Variants in LARP4 observed in about 807,000 individuals in gnomAD.
The protein encoded by LARP4 is la-related protein 4.
A neutral mutation model predicts 92.9 loss-of-function variants in LARP4; 29 were observed. That is an observed-to-expected ratio of 0.31 (90% confidence interval 0.23 to 0.43). The LOEUF (loss-of-function observed/expected upper bound fraction) is 0.43, where lower values mean the gene tolerates loss of function less well. LARP4 is among the 20% of genes least tolerant of loss of function. The pLI is 1.00. For missense variants in LARP4, 732 were observed against 860.0 expected (o/e 0.85, Z 1.86); for synonymous variants, 279 against 284.1 (o/e 0.98, Z 0.18).
chr12:50,423,379 G>A (rs1948174574), intron 1 of LARP4, among the ~76,000 whole-genome samples: 1 of 152,160 alleles, frequency 6.6e-6, no homozygotes, highest in African/African-American at 2.4e-5. Flanking sequence ...TGTTTGTGTA[G>A]TATACTTTTG....
At chr12:50,442,459 TA>T (rs1309451003) in intron 8 of LARP4, among the ~76,000 whole-genome samples, 1 of 152,212 alleles carries the variant, frequency 6.6e-6, no homozygotes, top group East Asian at 1.9e-4. Flanking sequence ...AGTAGCCTCT[TA>T]ACTGCTGTGT....
At position 50,400,910 on chromosome 12, in the gene LARP4, G is replaced by A; in HGVS notation, c.-101G>A. The A allele has an allele frequency of 3.3e-6, 5 of 1,535,696 alleles. No individual in the cohort carries two copies. Among genetic ancestry groups the A allele is most frequent in the Non-Finnish European group, 4.5e-6 (5 of 1,108,534 alleles). Reference sequence around the variant, plus strand: ...AGCCGGGTCCACTGCCGGGTGGAGGGGCAAGGCGAGTGTGTGTCCTTATCC... The same window carrying A: ...AGCCGGGTCCACTGCCGGGTGGAGGAGCAAGGCGAGTGTGTGTCCTTATCC... On this transcript the variant is annotated 5_prime_UTR_variant, in exon 1 of 16. Coordinates refer to ENST00000398473, the MANE Select transcript of LARP4 (RefSeq NM_052879.5).
chr12:50,404,682 T>A (rs1448555305), intron 1 of LARP4, among the ~76,000 whole-genome samples: 1 of 12,316 alleles, frequency 8.1e-5, no homozygotes, highest in Non-Finnish European at 1.1e-3. Context: ...GTTCAAGCAG[T>A]TTTTTTTTTT....
chr12:50,473,632 G>A (rs1274573164), intron 14 of LARP4, 96 bp downstream of exon 14: 91 of 1,300,378 alleles, frequency 7.0e-5, no homozygotes, highest in Middle Eastern at 2.3e-4. Context: ...TTGGGAGGCC[G>A]AGGCAGGTGA....
chr12:50,401,091 G>C (rs1185177064), intron 1 of LARP4, 63 bp downstream of exon 1: 2 of 1,586,648 alleles, frequency 1.3e-6, no homozygotes, highest in Admixed American at 1.7e-5. Flanking sequence ...GGCGCCGGCC[G>C]GTCCCACCGC....
At chr12:50,437,563 C>A (rs1194387382) in intron 5 of LARP4, among the ~76,000 whole-genome samples, 172 bp from the exon 6 acceptor site, 1 of 152,072 alleles carries the variant, frequency 6.6e-6, no homozygotes, top group African/African-American at 2.4e-5. Context: ...TACAAATCTC[C>A]AAAAAATTGT....
At chr12:50,409,252 G>A (rs570855095) in intron 1 of LARP4, among the ~76,000 whole-genome samples, 134 of 152,208 alleles carry the variant, frequency 8.8e-4, no homozygotes, top group Non-Finnish European at 1.4e-3. Flanking sequence ...AATCTCTGCT[G>A]AGACTGAGCC....
chr12:50,426,149 G>A (rs1227121177), intron 1 of LARP4, among the ~76,000 whole-genome samples: 3 of 152,108 alleles, frequency 2.0e-5, no homozygotes, highest in African/African-American at 7.2e-5. Flanking sequence ...TGAGGGAAGA[G>A]GATAGGGAGA....
intron 8 of LARP4, among the ~76,000 whole-genome samples, chr12:50,451,387 A>T (rs1565669728): frequency 6.6e-6 from 1 of 152,182 alleles, no homozygotes; most frequent in Non-Finnish European, 1.5e-5. Context: ...GTCACAAATG[A>T]CAGGATTTCC....
chr12:50,448,117 G>A (rs1031977629), intron 8 of LARP4, among the ~76,000 whole-genome samples: 4 of 152,062 alleles, frequency 2.6e-5, no homozygotes, highest in Non-Finnish European at 4.4e-5. Flanking sequence ...CACGCGCCTC[G>A]GCCTTCCAAA....
intron 7 of LARP4, 165 bp from the exon 8 acceptor site, chr12:50,441,425 A>C (rs1951188022): frequency 4.2e-6 from 2 of 480,258 alleles, no homozygotes; most frequent in Non-Finnish European, 7.4e-6. Flanking sequence ...ACTGTGATTG[A>C]GAAGGCGTTA....
At chr12:50,469,386 C>T (rs774113651) in intron 13 of LARP4, among the ~76,000 whole-genome samples, 3 of 151,486 alleles carry the variant, frequency 2.0e-5, no homozygotes, top group Non-Finnish European at 4.4e-5. Context: ...AGGCAGATCA[C>T]GAAGTCAGGA....
chr12:50,436,820 G>A (rs1394529296), intron 5 of LARP4, among the ~76,000 whole-genome samples: 1 of 152,182 alleles, frequency 6.6e-6, no homozygotes, highest in Non-Finnish European at 1.5e-5. Context: ...CAGTGGAATA[G>A]ATTTCCATTT....
Position 50,479,531 on chromosome 12 carries a change from A to G in LARP4, c.*3667A>G, listed in dbSNP as rs1957750070. 1 of 152,188 alleles carries G rather than the reference A, an allele frequency of 6.6e-6. No homozygotes were observed. Among genetic ancestry groups the G allele is most frequent in the Admixed American group, 6.5e-5 (1 of 15,274 alleles). 9.4% of individuals were successfully genotyped at this position (152,188 alleles called of 1,614,324 possible). ...GGATATTTTAAGAAGTTGAAAGAGA[A>G]TTTATTTTCAAGTTGTGAGTAAATC... is the stretch of plus-strand genomic sequence containing the variant. On this transcript the variant is annotated 3_prime_UTR_variant, in exon 16 of 16. Transcript: ENST00000398473.
At chr12:50,438,625 T>C (rs1950774478) in intron 6 of LARP4, among the ~76,000 whole-genome samples, 1 of 152,256 alleles carries the variant, frequency 6.6e-6, no homozygotes, top group African/African-American at 2.4e-5. Flanking sequence ...TGATACATTA[T>C]AATCAATTTG....
intron 11 of LARP4, 25 bp from the exon 12 acceptor site, chr12:50,462,555 CCA>C (rs1159016736): frequency 3.0e-6 from 4 of 1,338,882 alleles, no homozygotes; most frequent in Non-Finnish European, 4.2e-6. Context: ...CCACCCCACC[CCA>C]CCCCCACCTT....
At chr12:50,426,710 T>G (rs1948792613) in intron 1 of LARP4, among the ~76,000 whole-genome samples, 4 of 140,516 alleles carry the variant, frequency 2.8e-5, no homozygotes, top group African/African-American at 1.1e-4. Flanking sequence ...TGTGTGTGTG[T>G]GTGTGTGTGT....
rs1954616522 is a variant in LARP4, at chr12:50,457,911, CA to C, written c.1122-3223del. Reference sequence around the variant, plus strand: ...ATAAAGTAATTCTATGGCAAAGTGTCACTTTATGTGAAACTCAACCCAACTT... The same window carrying C: ...ATAAAGTAATTCTATGGCAAAGTGTCCTTTATGTGAAACTCAACCCAACTT... On this transcript the variant is annotated intron_variant, in intron 10 of 15. Transcript: ENST00000398473. Among the ~76,000 whole-genome samples the C allele has an allele frequency of 2.0e-5, 3 of 149,978 alleles. 1 individual carries two copies. In the East Asian group the frequency reaches 5.9e-4, roughly 29 times the overall value.
chr12:50,446,424 TATATA>T lies in LARP4; in HGVS notation c.804+4782_804+4786del, dbSNP rs1276847992. On this transcript the variant is annotated intron_variant, in intron 8 of 15. Transcript: ENST00000398473. ...CTCTCTCTCTCTATATATATATATA[TATATA>T]TTTTTTTTTTTTTTTATAGACGGAG... 4.6e-4 allele frequency among the ~76,000 whole-genome samples: 8 copies of T among 17,576 alleles called. 2 individuals are homozygous for T. Among genetic ancestry groups the T allele is most frequent in the Non-Finnish European group, 5.5e-4 (5 of 9,162 alleles). The allele number at this position is 17,576 out of a possible 152,430, so 11.5% of individuals were successfully genotyped here. A position where few individuals can be genotyped will look rare whatever the true frequency, so the allele number is the denominator to read the frequency against.
Sources: gnomAD v4.1 joint callset for allele counts (sites outside exome capture counted in the v4.1 genomes callset) on GRCh38, gnomAD v4.1.1 for gene constraint, MANE v1.5 for transcripts, NCBI Gene and HGNC (gene_info 2026-07-23, HGNC 2026-07-21) for gene names.